Variants in SHROOM4 observed in about 807,000 individuals in gnomAD.
SHROOM4 encodes the protein protein Shroom4.
In SHROOM4, 17 loss-of-function variants were observed where a neutral mutation model predicts 80.3. The ratio of observed to expected loss-of-function variants is 0.21; its 90% confidence interval spans 0.14 to 0.32. The LOEUF is 0.32. Ranked by LOEUF, SHROOM4 falls within the 10% of genes least tolerant of loss-of-function variation. The pLI, the probability that SHROOM4 is intolerant of heterozygous loss-of-function variation, is 1.00. For missense variants in SHROOM4, 993 were observed against 1,140.3 expected (o/e 0.87, Z 1.86); for synonymous variants, 400 against 437.5 (o/e 0.91, Z 1.07).
At chrX:50,731,746 T>C (rs1934376559) in intron 1 of SHROOM4, among the ~76,000 whole-genome samples, 1 of 111,690 alleles carries the variant, frequency 9.0e-6, no homozygotes, top group Non-Finnish European at 1.9e-5. Context: ...AGCCCAGAGA[T>C]TTTACCTAAG....
chrX:50,663,976 C>A (rs113938805), intron 2 of SHROOM4, among the ~76,000 whole-genome samples: 3,342 of 112,005 alleles, frequency 0.03, 112 homozygotes, highest in African/African-American at 0.1. Flanking sequence ...TATCATGAGA[C>A]CTTGCCATTT....
chrX:50,795,109 TA>T (rs1935958202), intron 1 of SHROOM4, among the ~76,000 whole-genome samples: 1 of 46,203 alleles, frequency 2.2e-5, no homozygotes, highest in Non-Finnish European at 3.7e-5. Flanking sequence ...ATGATATATA[TA>T]TATGATATAT....
At chrX:50,625,230 G>T (rs1930748431) in intron 5 of SHROOM4, among the ~76,000 whole-genome samples, 1 of 112,007 alleles carries the variant, frequency 8.9e-6, no homozygotes, top group Admixed American at 9.4e-5. Flanking sequence ...TATTTCTGCT[G>T]CATTACTTTA....
chrX:50,627,237 T>C (rs1557253227), intron 5 of SHROOM4, among the ~76,000 whole-genome samples: 3 of 111,847 alleles, frequency 2.7e-5, no homozygotes, highest in African/African-American at 9.8e-5. Context: ...CACCCATTAA[T>C]GGTGGAGGAG....
chrX:50,734,770 C>A (rs782727045), intron 1 of SHROOM4, among the ~76,000 whole-genome samples: 1 of 110,904 alleles, frequency 9.0e-6, no homozygotes, highest in African/African-American at 3.3e-5. Context: ...GGGAGGGACC[C>A]CATGGGAGAT....
chrX:50,730,064 G>C (rs1311751364), intron 1 of SHROOM4, among the ~76,000 whole-genome samples: 2 of 112,170 alleles, frequency 1.8e-5, no homozygotes, highest in Admixed American at 9.5e-5. Flanking sequence ...AAAGCATTGT[G>C]TTAAAGGTTA....
At chrX:50,753,646 A>C (rs1294587367) in intron 1 of SHROOM4, among the ~76,000 whole-genome samples, 1 of 111,635 alleles carries the variant, frequency 9.0e-6, no homozygotes, top group Non-Finnish European at 1.9e-5. Context: ...AGAACACAAA[A>C]TATCTCATTA....
intron 2 of SHROOM4, among the ~76,000 whole-genome samples, chrX:50,652,236 T>C (rs1215847179): frequency 5.4e-5 from 6 of 112,042 alleles, no homozygotes; most frequent in African/African-American, 9.7e-5. Context: ...AAATCCTCTC[T>C]AGCATCTGTT....
At chrX:50,687,267 C>CTTTTT (rs1217867502) in intron 2 of SHROOM4, 3 of 88,854 alleles carry the variant, frequency 3.4e-5, no homozygotes, top group African/African-American at 4.5e-5. Flanking sequence ...ATTTTGGTGT[C>CTTTTT]TTTTTTTTTT....
intron 1 of SHROOM4, among the ~76,000 whole-genome samples, chrX:50,807,376 A>C (rs192959981): frequency 1.9e-3 from 211 of 111,731 alleles, no homozygotes; most frequent in African/African-American, 6.7e-3. Flanking sequence ...GGAGGTATGC[A>C]GGGAAATATA....
At chrX:50,796,762 G>T (rs1194223661) in intron 1 of SHROOM4, among the ~76,000 whole-genome samples, 1 of 110,440 alleles carries the variant, frequency 9.1e-6, no homozygotes, top group Admixed American at 9.7e-5. Context: ...AGAAGCAGGT[G>T]GATATGAGGG....
At chrX:50,668,286 C>T (rs1212722994) in intron 2 of SHROOM4, among the ~76,000 whole-genome samples, 1 of 111,253 alleles carries the variant, frequency 9.0e-6, no homozygotes, top group Non-Finnish European at 1.9e-5. Flanking sequence ...AGAACCTCCA[C>T]CACTGCCCAG....
chrX:50,698,977 A>T (rs1438583922), intron 1 of SHROOM4, among the ~76,000 whole-genome samples: 1 of 112,201 alleles, frequency 8.9e-6, no homozygotes, highest in Non-Finnish European at 1.9e-5. Context: ...TGAAATTAAC[A>T]TACCTTGTTT....
chrX:50,752,072 C>G (rs969919047), intron 1 of SHROOM4, among the ~76,000 whole-genome samples: 38 of 112,022 alleles, frequency 3.4e-4, no homozygotes, highest in African/African-American at 1.2e-3. Context: ...TTCACCAAAT[C>G]TTGACTAAAC....
intron 1 of SHROOM4, among the ~76,000 whole-genome samples, chrX:50,697,396 C>T (rs1933399380): frequency 9.0e-6 from 1 of 111,564 alleles, no homozygotes; most frequent in African/African-American, 3.3e-5. Context: ...CATCTATCCC[C>T]ACACCATGGA....
rs3747282 is a variant in SHROOM4, at chrX:50,607,674, T to G, written c.3468A>C (p.Glu1156Asp). 1.7e-6 allele frequency: 2 copies of G among 1,194,049 alleles called. No homozygotes were observed. The highest frequency in any genetic ancestry group is 2.2e-5 in the Admixed American group (1 of 45,213). The change falls in exon 6 of 9, where the codon GAA becomes GAC. Residue 1156 changes from glutamate (E) to aspartate (D), a missense_variant. Transcript: ENST00000376020. Reference sequence around the variant, plus strand: ...TGAAATACTGGGGTGGCAGCTCCTCTTCCTCCTCCTCTGCCTCCTCCTCCT... The same window carrying G: ...TGAAATACTGGGGTGGCAGCTCCTCGTCCTCCTCCTCTGCCTCCTCCTCCT... ...EEEEEEAEEE[E>D]EELPPQYFSS... is the part of the protein sequence containing the mutation.
chrX:50,623,796 A>G (rs1162476603), intron 5 of SHROOM4, among the ~76,000 whole-genome samples: 5 of 112,480 alleles, frequency 4.4e-5, no homozygotes, highest in Non-Finnish European at 9.4e-5. Flanking sequence ...TGGAAGGACT[A>G]GTAAACAAAA....
At chrX:50,607,290 T>G in intron 6 of SHROOM4, 91 bp downstream of exon 6, 6 of 1,037,815 alleles carry the variant, frequency 5.8e-6, no homozygotes, top group Non-Finnish European at 8.0e-6. Context: ...CTGGCCAGCC[T>G]GAGGTCATCC....
At chrX:50,671,772 T>C (rs1932800117) in intron 2 of SHROOM4, among the ~76,000 whole-genome samples, 1 of 113,091 alleles carries the variant, frequency 8.8e-6, no homozygotes, top group Admixed American at 9.3e-5. Context: ...TTATAATTCA[T>C]GTGTTCACTG....
Sources: gnomAD v4.1 joint callset for allele counts (sites outside exome capture counted in the v4.1 genomes callset) on GRCh38, gnomAD v4.1.1 for gene constraint, MANE v1.5 for transcripts, NCBI Gene and HGNC (gene_info 2026-07-23, HGNC 2026-07-21) for gene names.